Variants in SMC5 observed in about 807,000 individuals in gnomAD.
The protein encoded by SMC5 is structural maintenance of chromosomes 5.
A neutral mutation model predicts 148.3 loss-of-function variants in SMC5; 88 were observed. The ratio of observed to expected loss-of-function variants is 0.59; its 90% confidence interval spans 0.50 to 0.71. The LOEUF (loss-of-function observed/expected upper bound fraction) is 0.71, where lower values mean the gene tolerates loss of function less well. Ranked by LOEUF, SMC5 falls within the 30% of genes least tolerant of loss-of-function variation. The pLI is 0.00. For synonymous variants in SMC5, 421 were observed against 432.8 expected (o/e 0.97, Z 0.34); for missense variants, 1,142 against 1,298.9 (o/e 0.88, Z 1.86).
intron 11 of SMC5, among the ~76,000 whole-genome samples, chr9:70,310,050 G>A (rs1048955931): frequency 6.6e-6 from 1 of 152,152 alleles, no homozygotes; most frequent in African/African-American, 2.4e-5. Flanking sequence ...ATTTCACCAT[G>A]TTGGCCAGGC....
At chr9:70,299,309 A>T (rs1182644363) in intron 9 of SMC5, among the ~76,000 whole-genome samples, 1 of 151,988 alleles carries the variant, frequency 6.6e-6, no homozygotes, top group Non-Finnish European at 1.5e-5. Flanking sequence ...CTTCATTGAT[A>T]GCTTTTAAAA....
intron 9 of SMC5, among the ~76,000 whole-genome samples, chr9:70,298,610 A>G (rs890683226): frequency 2.6e-5 from 4 of 152,004 alleles, no homozygotes; most frequent in Non-Finnish European, 5.9e-5. Context: ...TTTGTAGACC[A>G]TGTGAATAGA....
At chr9:70,308,381 G>A (rs915473605) in intron 11 of SMC5, among the ~76,000 whole-genome samples, 19 of 151,816 alleles carry the variant, frequency 1.3e-4, no homozygotes, top group African/African-American at 4.3e-4. Context: ...TGAGGGGGGC[G>A]GATCACGAGG....
intron 15 of SMC5, 96 bp downstream of exon 15, chr9:70,319,059 C>A (rs997937608): frequency 3.7e-6 from 4 of 1,085,782 alleles, no homozygotes; most frequent in South Asian, 4.9e-5. Flanking sequence ...CACAAGCACG[C>A]TTTGTAGTAA....
chr9:70,349,830 T>C (rs188243864), intron 22 of SMC5, among the ~76,000 whole-genome samples: 80 of 152,326 alleles, frequency 5.3e-4, no homozygotes, highest in East Asian at 1.2e-3. Flanking sequence ...GGAAGCCTAC[T>C]AAACTTGAAT....
intron 8 of SMC5, among the ~76,000 whole-genome samples, chr9:70,289,968 C>T (rs1483774712): frequency 2.0e-5 from 3 of 151,752 alleles, no homozygotes; most frequent in Non-Finnish European, 4.4e-5. Flanking sequence ...AACCCAAAAC[C>T]GTTTTGAGTG....
At chr9:70,280,177 C>G (rs779047067) in intron 5 of SMC5, among the ~76,000 whole-genome samples, 12 of 152,108 alleles carry the variant, frequency 7.9e-5, no homozygotes, top group Non-Finnish European at 1.5e-4. Flanking sequence ...AATAGTTTCA[C>G]TTGAAACACT....
intron 11 of SMC5, among the ~76,000 whole-genome samples, chr9:70,308,080 C>T (rs892465913): frequency 1.3e-5 from 2 of 152,094 alleles, no homozygotes; most frequent in African/African-American, 4.8e-5. Context: ...TCCTAACATG[C>T]AAACCCTTAT....
Position 70,354,046 on chromosome 9 carries a change from C to A in SMC5, c.*1715C>A, listed in dbSNP as rs2036855490. The A allele has an allele frequency of 1.3e-5, 2 of 152,128 alleles. No homozygotes were observed. Among genetic ancestry groups the A allele is most frequent in the Admixed American group, 1.3e-4 (2 of 15,274 alleles). The allele number at this position is 152,128 out of a possible 1,614,324, so 9.4% of individuals were successfully genotyped here. ...CAATTACATTTCAATTTACATAGGC[C>A]AACAACTGTTCCATACTTTGTTTGT... On this transcript the variant is annotated 3_prime_UTR_variant, in exon 25 of 25. Coordinates refer to ENST00000361138, the MANE Select transcript of SMC5 (RefSeq NM_015110.4).
At chr9:70,292,804 T>C (rs1317210309) in intron 8 of SMC5, among the ~76,000 whole-genome samples, 1 of 152,166 alleles carries the variant, frequency 6.6e-6, no homozygotes, top group Non-Finnish European at 1.5e-5. Flanking sequence ...TGGATTATAT[T>C]GATTGATTTT....
At chr9:70,265,905 C>G (rs1190078283) in intron 2 of SMC5, among the ~76,000 whole-genome samples, 1 of 152,078 alleles carries the variant, frequency 6.6e-6, no homozygotes, top group East Asian at 1.9e-4. Flanking sequence ...GTTAACATAT[C>G]CATAATCATA....
chr9:70,286,141 A>C (rs1056926335), intron 7 of SMC5, 59 bp from the exon 8 acceptor site: 8 of 1,036,616 alleles, frequency 7.7e-6, no homozygotes, highest in Middle Eastern at 2.0e-4. Context: ...GGGCCATATA[A>C]TTTGCTTGCA....
intron 17 of SMC5, among the ~76,000 whole-genome samples, chr9:70,327,714 C>T (rs535881037): frequency 3.9e-5 from 6 of 152,216 alleles, no homozygotes; most frequent in Non-Finnish European, 7.4e-5. Flanking sequence ...GCTAATGAAT[C>T]GGATTACATT....
intron 24 of SMC5, among the ~76,000 whole-genome samples, chr9:70,350,750 A>G (rs1015572715): frequency 6.6e-6 from 1 of 152,164 alleles, no homozygotes; most frequent in African/African-American, 2.4e-5. Flanking sequence ...ATGAGTGGGG[A>G]ATACAACCCT....
At chr9:70,338,315 G>A (rs140145588) in intron 17 of SMC5, among the ~76,000 whole-genome samples, 1 of 152,222 alleles carries the variant, frequency 6.6e-6, no homozygotes, top group African/African-American at 2.4e-5. Flanking sequence ...CCAGCCATTT[G>A]CATAATTTTA....
At position 70,353,166 on chromosome 9, in the gene SMC5, TAGTA is replaced by T. The variant is rs2118867770; in HGVS notation, c.*838_*841del. ...TCTAAAAGCATTTTATAATTATTTT[TAGTA>T]AGATTTTTCTTAAAATTTCATATAC... On this transcript the variant is annotated 3_prime_UTR_variant, in exon 25 of 25. Transcript: ENST00000361138. 6.6e-6 allele frequency: 1 copy of T among 152,262 alleles called. No individual in the cohort carries two copies. Among genetic ancestry groups the T allele is most frequent in the South Asian group, 2.1e-4 (1 of 4,832 alleles). The allele number at this position is 152,262 out of a possible 1,614,324, so 9.4% of individuals were successfully genotyped here. A position where few individuals can be genotyped will look rare whatever the true frequency, so the allele number is the denominator to read the frequency against.
intron 1 of SMC5, among the ~76,000 whole-genome samples, chr9:70,262,324 A>AT (rs2034160410): frequency 6.6e-6 from 1 of 152,184 alleles, no homozygotes; most frequent in African/African-American, 2.4e-5. Context: ...GGGAAAGGAG[A>AT]TAAAAAGTAG....
At position 70,324,182 on chromosome 9, in the gene SMC5, A is replaced by G. The variant is rs202170913; in HGVS notation, c.2397+39A>G. On this transcript the variant is annotated intron_variant, in intron 17 of 24. Transcript: ENST00000361138. Reference sequence around the variant, plus strand: ...CTTTACTTTTTATTTTGAGGTTCTAACCTCAGACTGGTTTGAAAATATATA... The same window carrying G: ...CTTTACTTTTTATTTTGAGGTTCTAGCCTCAGACTGGTTTGAAAATATATA... 3.8e-6 allele frequency: 6 copies of G among 1,564,464 alleles called. No individual in the cohort carries two copies. The Admixed American group carries it at 1.4e-4, about 36-fold the overall frequency.
chr9:70,334,646 T>C (rs1193858939), intron 17 of SMC5, among the ~76,000 whole-genome samples: 4 of 152,150 alleles, frequency 2.6e-5, no homozygotes, highest in Non-Finnish European at 5.9e-5. Context: ...TGTGTGTGTG[T>C]ATAATGTGAC....
Sources: gnomAD v4.1 joint callset for allele counts (sites outside exome capture counted in the v4.1 genomes callset) on GRCh38, gnomAD v4.1.1 for gene constraint, MANE v1.5 for transcripts, NCBI Gene and HGNC (gene_info 2026-07-23, HGNC 2026-07-21) for gene names.